Variants in CHD6 observed in about 807,000 individuals in gnomAD.
CHD6 encodes ATP-dependent chromatin remodeler CHD6.
CHD6 carries 50 observed loss-of-function variants against 276.9 expected under a neutral mutation model. The observed-to-expected ratio is 0.18, with a 90% CI of 0.14 to 0.23. CHD6 has a LOEUF of 0.23. Ranked by LOEUF, CHD6 falls within the 10% of genes least tolerant of loss-of-function variation. The pLI is 1.00. For synonymous variants in CHD6, 1,173 were observed against 1,229.3 expected (o/e 0.95, Z 0.96); for missense variants, 2,564 against 3,365.8 (o/e 0.76, Z 5.89).
chr20:41,538,950 G>C (rs1488204774), intron 2 of CHD6, among the ~76,000 whole-genome samples: 4 of 151,984 alleles, frequency 2.6e-5, no homozygotes, highest in Non-Finnish European at 5.9e-5. Flanking sequence ...CCCACCTATG[G>C]GACAGCCACA....
intron 34 of CHD6, chr20:41,414,766 G>C: frequency 1.0e-6 from 1 of 1,001,718 alleles, no homozygotes; most frequent in Non-Finnish European, 1.2e-6. Flanking sequence ...AGTAAGTCAA[G>C]CAGAAGAGCC....
At chr20:41,602,654 T>C (rs190883780) in intron 1 of CHD6, among the ~76,000 whole-genome samples, 3 of 152,298 alleles carry the variant, frequency 2.0e-5, no homozygotes. Flanking sequence ...GCATTTCTTT[T>C]TACATTAAAA....
At chr20:41,498,079 TGAAGATGTA>T in intron 7 of CHD6, 80 bp downstream of exon 7, 1 of 922,140 alleles carries the variant, frequency 1.1e-6, no homozygotes, top group Middle Eastern at 2.3e-4. Context: ...GGCAAGACTC[TGAAGATGTA>T]GAAGATAATA....
intron 1 of CHD6, among the ~76,000 whole-genome samples, chr20:41,590,368 A>G (rs1157231104): frequency 6.6e-6 from 1 of 152,260 alleles, no homozygotes; most frequent in African/African-American, 2.4e-5. Context: ...ACAAATGGGA[A>G]GTAATTAAAC....
At chr20:41,438,313 G>C (rs973528729) in intron 26 of CHD6, among the ~76,000 whole-genome samples, 2 of 152,124 alleles carry the variant, frequency 1.3e-5, no homozygotes, top group African/African-American at 4.8e-5. Flanking sequence ...TTTGAGGGTG[G>C]GTGCAGTGGC....
intron 16 of CHD6, among the ~76,000 whole-genome samples, chr20:41,477,827 G>A (rs927469271): frequency 6.6e-6 from 1 of 152,306 alleles, no homozygotes; most frequent in South Asian, 2.1e-4. Context: ...TAAAAACAGG[G>A]AAACTGGTGG....
chr20:41,504,620 G>A (rs2043932553), intron 5 of CHD6, among the ~76,000 whole-genome samples: 1 of 151,874 alleles, frequency 6.6e-6, no homozygotes, highest in South Asian at 2.1e-4. Flanking sequence ...ATGTTGCCCA[G>A]GTTGGCCTCG....
intron 25 of CHD6, among the ~76,000 whole-genome samples, chr20:41,444,551 G>C (rs2048005843): frequency 6.6e-6 from 1 of 152,200 alleles, no homozygotes; most frequent in African/African-American, 2.4e-5. Context: ...CAGTATCCAA[G>C]TTTTGAGTGG....
chr20:41,451,441 G>C (rs1238140403), intron 22 of CHD6, among the ~76,000 whole-genome samples: 1 of 152,220 alleles, frequency 6.6e-6, no homozygotes, highest in Admixed American at 6.5e-5. Flanking sequence ...ACTTCAAGGG[G>C]AGCCTTAGCC....
chr20:41,533,861 A>G (rs996776038), intron 2 of CHD6, among the ~76,000 whole-genome samples: 4 of 152,304 alleles, frequency 2.6e-5, no homozygotes, highest in Non-Finnish European at 4.4e-5. Flanking sequence ...CATCTAATCT[A>G]GCCACCAGAC....
chr20:41,593,150 A>C (rs2045680722), intron 1 of CHD6, among the ~76,000 whole-genome samples: 1 of 146,630 alleles, frequency 6.8e-6, no homozygotes, highest in South Asian at 2.3e-4. Flanking sequence ...TTTGGTATCC[A>C]AATGTTTTGA....
chr20:41,593,554 C>G (rs901940991), intron 1 of CHD6, among the ~76,000 whole-genome samples: 2 of 152,122 alleles, frequency 1.3e-5, no homozygotes, highest in Non-Finnish European at 2.9e-5. Flanking sequence ...CTGGTGACAA[C>G]CCCCCAAAAA....
intron 3 of CHD6, among the ~76,000 whole-genome samples, chr20:41,532,500 G>C (rs756637502): frequency 2.2e-4 from 34 of 152,246 alleles, no homozygotes; most frequent in South Asian, 8.3e-4. Flanking sequence ...ACTGCCCCCT[G>C]TATCACACCT....
intron 1 of CHD6, among the ~76,000 whole-genome samples, chr20:41,603,463 T>C (rs1238648273): frequency 3.3e-5 from 5 of 152,248 alleles, no homozygotes; most frequent in African/African-American, 1.2e-4. Flanking sequence ...AACTCTAGTT[T>C]CAGCAGTCAG....
chr20:41,503,761 C>T (rs2043896120), intron 5 of CHD6, among the ~76,000 whole-genome samples: 1 of 152,176 alleles, frequency 6.6e-6, no homozygotes, highest in South Asian at 2.1e-4. Flanking sequence ...TCTCCTCTAT[C>T]CCTAGCACTC....
chr20:41,456,784 A>G (rs908029526), intron 18 of CHD6, among the ~76,000 whole-genome samples: 7 of 152,168 alleles, frequency 4.6e-5, no homozygotes, highest in African/African-American at 1.7e-4. Context: ...CCAAAGGGGG[A>G]AAAATATTTT....
intron 16 of CHD6, among the ~76,000 whole-genome samples, chr20:41,479,680 T>C (rs950213744): frequency 6.6e-6 from 1 of 152,140 alleles, no homozygotes; most frequent in Non-Finnish European, 1.5e-5. Flanking sequence ...ACTGTACTTG[T>C]GAAATAACCA....
intron 1 of CHD6, 67 bp from the exon 2 acceptor site, chr20:41,551,427 C>T: frequency 1.4e-6 from 1 of 702,772 alleles, no homozygotes; most frequent in South Asian, 1.6e-5. Context: ...TCAACATCTC[C>T]AGATTACTGT....
chr20:41,490,294 T>C (rs1600993570), intron 11 of CHD6, among the ~76,000 whole-genome samples: 1 of 152,296 alleles, frequency 6.6e-6, no homozygotes, highest in East Asian at 1.9e-4. Flanking sequence ...GACTGTTTCA[T>C]TGTGGGAACA....
Sources: gnomAD v4.1 joint callset for allele counts (sites outside exome capture counted in the v4.1 genomes callset) on GRCh38, gnomAD v4.1.1 for gene constraint, MANE v1.5 for transcripts, NCBI Gene and HGNC (gene_info 2026-07-23, HGNC 2026-07-21) for gene names.